GRM7: variants seen among roughly 807,000 people sequenced by gnomAD.
The protein encoded by GRM7 is metabotropic glutamate receptor 7.
In GRM7, 35 loss-of-function variants were observed where a neutral mutation model predicts 84.5. The observed-to-expected ratio is 0.41, with a 90% CI of 0.32 to 0.55. GRM7 has a LOEUF of 0.55. Ranked by LOEUF, GRM7 falls within the 20% of genes least tolerant of loss-of-function variation. The pLI is 0.19. For synonymous variants in GRM7, 487 were observed against 455.1 expected (o/e 1.07, Z -0.89); for missense variants, 1,003 against 1,194.6 (o/e 0.84, Z 2.36).
intron 8 of GRM7, among the ~76,000 whole-genome samples, chr3:7,583,390 A>T (rs758315442): frequency 3.4e-4 from 51 of 152,190 alleles, no homozygotes; most frequent in Non-Finnish European, 6.2e-4. Context: ...AGGTAGATAA[A>T]TGTTTCTCCA....
chr3:7,169,345 T>C (rs1239980441), intron 2 of GRM7, among the ~76,000 whole-genome samples: 1 of 152,206 alleles, frequency 6.6e-6, no homozygotes, highest in Non-Finnish European at 1.5e-5. Flanking sequence ...CAGTCAACAC[T>C]ACGGCTCTTG....
chr3:7,608,688 T>G lies in GRM7; in HGVS notation c.2451+29331T>G, dbSNP rs144297167. Among the ~76,000 whole-genome samples the G allele has an allele frequency of 5.3e-3, 813 of 152,292 alleles. 7 individuals carry two copies. The highest frequency in any genetic ancestry group is 0.019 in the African/African-American group (777 of 41,578). ...TTTTCTCTTTACTCTGTTGATAGTT[T>G]CTTTTGCTGTGTAGAAGCTTTTCAG... On this transcript the variant is annotated intron_variant, in intron 8 of 9. Coordinates refer to ENST00000357716, the MANE Select transcript of GRM7 (RefSeq NM_000844.4).
intron 2 of GRM7, among the ~76,000 whole-genome samples, chr3:7,232,247 T>C (rs1270742880): frequency 2.0e-5 from 3 of 151,590 alleles, no homozygotes; most frequent in Non-Finnish European, 2.9e-5. Context: ...CACTCAGATC[T>C]TGTAAAAAAA....
intron 1 of GRM7, among the ~76,000 whole-genome samples, chr3:6,905,834 T>C (rs1696554960): frequency 6.6e-6 from 1 of 152,180 alleles, no homozygotes; most frequent in Non-Finnish European, 1.5e-5. Context: ...CATTGGGTGG[T>C]TCTTATCCCC....
At chr3:6,879,549 G>A (rs1159168672) in intron 1 of GRM7, among the ~76,000 whole-genome samples, 3 of 152,160 alleles carry the variant, frequency 2.0e-5, no homozygotes. Context: ...ACTGACCTCT[G>A]AGTGTAATTT....
intron 1 of GRM7, among the ~76,000 whole-genome samples, chr3:7,123,914 G>A (rs1311732425): frequency 1.3e-5 from 2 of 152,116 alleles, no homozygotes; most frequent in Non-Finnish European, 2.9e-5. Context: ...GTTGTATTTT[G>A]AATATACAAC....
intron 9 of GRM7, among the ~76,000 whole-genome samples, chr3:7,738,074 T>A (rs1702566340): frequency 6.6e-6 from 1 of 151,998 alleles, no homozygotes; most frequent in African/African-American, 2.4e-5. Context: ...GTCTTAAACT[T>A]CTGACCTCTG....
chr3:7,111,280 C>T (rs1046828957), intron 1 of GRM7, among the ~76,000 whole-genome samples: 4 of 152,028 alleles, frequency 2.6e-5, no homozygotes, highest in Admixed American at 6.6e-5. Flanking sequence ...GAATTGGTTA[C>T]TTTAGGATAT....
At chr3:7,172,183 G>A (rs1466303043) in intron 2 of GRM7, among the ~76,000 whole-genome samples, 4 of 152,102 alleles carry the variant, frequency 2.6e-5, no homozygotes, top group African/African-American at 4.8e-5. Context: ...TATATGAGAT[G>A]CCCTCTGGGG....
chr3:6,878,378 C>CATGTGTGT (rs58886076), intron 1 of GRM7, among the ~76,000 whole-genome samples: 125 of 142,056 alleles, frequency 8.8e-4, no homozygotes, highest in African/African-American at 3.2e-3. Context: ...TATGTGTTTG[C>CATGTGTGT]GTGTGTGTGT....
chr3:7,194,484 G>T (rs1214142406), intron 2 of GRM7, among the ~76,000 whole-genome samples: 1 of 152,082 alleles, frequency 6.6e-6, no homozygotes, highest in Non-Finnish European at 1.5e-5. Flanking sequence ...TCGGAGTTTT[G>T]GAATATTTTA....
intron 1 of GRM7, among the ~76,000 whole-genome samples, chr3:7,001,100 G>C (rs1694997853): frequency 6.6e-6 from 1 of 152,188 alleles, no homozygotes; most frequent in Admixed American, 6.5e-5. Context: ...CCAAAATGAA[G>C]AAAACTATTT....
At chr3:7,456,337 A>C (rs1698006981) in intron 6 of GRM7, among the ~76,000 whole-genome samples, 1 of 152,186 alleles carries the variant, frequency 6.6e-6, no homozygotes, top group Non-Finnish European at 1.5e-5. Flanking sequence ...AGCTATCCAT[A>C]GGGCTTATGT....
At chr3:6,955,745 G>A (rs1357422041) in intron 1 of GRM7, among the ~76,000 whole-genome samples, 2 of 151,454 alleles carry the variant, frequency 1.3e-5, no homozygotes, top group Non-Finnish European at 2.9e-5. Context: ...GGGAGGCTGA[G>A]GCACGAGAAT....
Position 7,612,130 on chromosome 3 carries a change from T to C in GRM7, c.2451+32773T>C, listed in dbSNP as rs1435348348. On this transcript the variant is annotated intron_variant, in intron 8 of 9. Transcript: ENST00000357716. ...TTGTCATGGTATTAATAATATAGCA[T>C]GGTAGAATGGCTAGAAAGTAGCCCA... Among the ~76,000 whole-genome samples, 4 of 152,138 alleles carry C rather than the reference T, an allele frequency of 2.6e-5. No individual in the cohort carries two copies. In the East Asian group the frequency reaches 5.8e-4, roughly 22 times the overall value.
intron 8 of GRM7, among the ~76,000 whole-genome samples, chr3:7,656,347 T>C (rs1410506800): frequency 6.6e-6 from 1 of 151,884 alleles, no homozygotes; most frequent in Non-Finnish European, 1.5e-5. Flanking sequence ...CTATTAAATA[T>C]TAGCCGGGCA....
intron 2 of GRM7, among the ~76,000 whole-genome samples, chr3:7,297,610 C>G (rs1182296824): frequency 2.0e-5 from 3 of 151,830 alleles, no homozygotes; most frequent in Admixed American, 6.6e-5. Context: ...GTAATGAAGG[C>G]TTAATTTTGT....
At chr3:7,579,976 G>A (rs1482408687) in intron 8 of GRM7, among the ~76,000 whole-genome samples, 1 of 152,206 alleles carries the variant, frequency 6.6e-6, no homozygotes, top group Non-Finnish European at 1.5e-5. Context: ...GCAATTCACA[G>A]TGAGATCAGA....
intron 2 of GRM7, among the ~76,000 whole-genome samples, chr3:7,232,047 G>C (rs1697212419): frequency 1.3e-5 from 2 of 152,140 alleles, no homozygotes; most frequent in South Asian, 4.1e-4. Context: ...ATTCCTGGTG[G>C]AGAAGCAGGA....
Sources: gnomAD v4.1 joint callset for allele counts (sites outside exome capture counted in the v4.1 genomes callset) on GRCh38, gnomAD v4.1.1 for gene constraint, MANE v1.5 for transcripts, NCBI Gene and HGNC (gene_info 2026-07-23, HGNC 2026-07-21) for gene names.